The following BPTF variants were observed in gnomAD, a reference collection of about 807,000 sequenced individuals.
BPTF encodes bromodomain PHD finger transcription factor, also known as nucleosome-remodeling factor subunit BPTF.
Under a neutral mutation model 292.5 loss-of-function variants are expected in BPTF, and 18 were observed. The observed-to-expected ratio is 0.06, with a 90% CI of 0.04 to 0.09. The LOEUF (loss-of-function observed/expected upper bound fraction) is 0.09, where lower values mean the gene tolerates loss of function less well. Ranked by LOEUF, BPTF falls within the 10% of genes least tolerant of loss-of-function variation. The pLI is 1.00. For synonymous variants in BPTF, 1,225 were observed against 1,251.9 expected (o/e 0.98, Z 0.45); for missense variants, 2,726 against 3,498.7 (o/e 0.78, Z 5.57).
At chr17:67,932,135 C>T in intron 18 of BPTF, 116 bp downstream of exon 18, 1 of 833,446 alleles carries the variant, frequency 1.2e-6, no homozygotes, top group Non-Finnish European at 1.9e-6. Context: ...TACTTCAAAG[C>T]ATACTAAATT....
At chr17:67,903,612 C>CT (rs1169250961) in intron 7 of BPTF, among the ~76,000 whole-genome samples, 177 bp from the exon 8 acceptor site, 1 of 152,108 alleles carries the variant, frequency 6.6e-6, no homozygotes, top group Non-Finnish European at 1.5e-5. Context: ...TTTTTGTACT[C>CT]TTTATCTTTT....
rs1555674624 is a variant in BPTF, at chr17:67,945,758, A to T, written c.7050A>T (p.Arg2350=). The T allele has an allele frequency of 4.3e-6, 7 of 1,614,170 alleles. No homozygotes were observed. The East Asian group carries it at 1.6e-4, about 36-fold the overall frequency. The part of the protein sequence containing the change: ...PVRVQSPSQT[R]IRPSTPSQLS... ...GTGTCCAAAGTCCATCACAGACTCG[A>T]ATACGTCCATCAACTCCATCCCAAC... is the stretch of plus-strand genomic sequence containing the variant. The change falls in exon 21 of 28, where the codon CGA becomes CGT. Residue 2350 remains arginine (R), a synonymous_variant. Coordinates refer to ENST00000306378, the MANE Select transcript of BPTF (RefSeq NM_182641.4).
At chr17:67,885,694 C>G (rs1013479340) in intron 4 of BPTF, among the ~76,000 whole-genome samples, 1 of 152,200 alleles carries the variant, frequency 6.6e-6, no homozygotes. Flanking sequence ...AATTCTGTTT[C>G]TAATACTATT....
At position 67,874,821 on chromosome 17, in the gene BPTF, A is replaced by G. The variant is rs1243996121; in HGVS notation, c.1665A>G (p.Glu555=). 6.2e-7 allele frequency: 1 copy of G among 1,604,020 alleles called. No homozygotes were observed. Among genetic ancestry groups the G allele is most frequent in the East Asian group, 2.2e-5 (1 of 44,758 alleles). ...NKSFLAAANE[E]ILESIRAKKG... ...TGTTTGTTTTACACATTATAGAAGA[A>G]ATTTTGGAATCCATAAGAGCCAAAA... The change falls in exon 4 of 28, where the codon GAA becomes GAG. Residue 555 remains glutamate, a synonymous_variant. Coordinates refer to ENST00000306378, the MANE Select transcript of BPTF (RefSeq NM_182641.4).
chr17:67,953,318 G>A (rs1374819705), intron 23 of BPTF, among the ~76,000 whole-genome samples: 1 of 146,488 alleles, frequency 6.8e-6, no homozygotes, highest in Admixed American at 6.9e-5. Flanking sequence ...CTGCAATGGC[G>A]CGATCTCGGC....
At position 67,923,009 on chromosome 17, in the gene BPTF, C is replaced by T. The variant is rs1414801034; in HGVS notation, c.5708+19C>T. 1 of 1,596,688 alleles carries T rather than the reference C, an allele frequency of 6.3e-7. No individual in the cohort carries two copies. Among genetic ancestry groups the T allele is most frequent in the African/African-American group, 1.4e-5 (1 of 73,700 alleles). ...CTGAGAGGTAAGGAAATGGTTAATA[C>T]CTGGTCAGCTATTTGAAGATTTTAT... On this transcript the variant is annotated intron_variant, in intron 14 of 27. Transcript: ENST00000306378.
At chr17:67,979,214 T>C (rs1312324209) in intron 27 of BPTF, among the ~76,000 whole-genome samples, 6 of 134,440 alleles carry the variant, frequency 4.5e-5, no homozygotes, top group African/African-American at 1.2e-4. Context: ...AAGGACTAGG[T>C]GCTACAGAGA....
At chr17:67,961,200 A>G (rs1254999917) in intron 24 of BPTF, among the ~76,000 whole-genome samples, 2 of 152,236 alleles carry the variant, frequency 1.3e-5, no homozygotes, top group African/African-American at 4.8e-5. Context: ...CTTCTTTGAA[A>G]TACCTACATT....
In BPTF at chr17:67,982,828, T is replaced by A. The variant is rs1555697467; in HGVS notation, c.*540T>A. On this transcript the variant is annotated 3_prime_UTR_variant, in exon 28 of 28. Transcript: ENST00000306378. Reference sequence around the variant, plus strand: ...GTAAAAGTACAAGACGACCTCTAGATGTCTTTTCTTTCTATGAAAGGAGCT... The same window carrying A: ...GTAAAAGTACAAGACGACCTCTAGAAGTCTTTTCTTTCTATGAAAGGAGCT... 6.5e-6 allele frequency: 1 copy of A among 152,876 alleles called. No individual in the cohort carries two copies. Among genetic ancestry groups the A allele is most frequent in the African/African-American group, 2.4e-5 (1 of 41,454 alleles). The allele number at this position is 152,876 out of a possible 1,614,324, so 9.5% of individuals were successfully genotyped here.
chr17:67,825,926 AG>A lies in BPTF; in HGVS notation c.209del (p.Gly70AlafsTer167). ...VAPKTRLSSP[R>X]GGSSSRRKPP... ...GCCCAAGACGCGGCTGAGCTCGCCC[AG>A]GGGGGGCAGCAGTAGCCGGAGGAAG... On this transcript the variant is annotated frameshift_variant, in exon 1 of 28. Transcript: ENST00000306378. LOFTEE classifies it high-confidence loss of function. 1.2e-5 allele frequency: 12 copies of A among 1,006,776 alleles called. No homozygotes were observed. Among genetic ancestry groups the A allele is most frequent in the East Asian group, 2.0e-4 (2 of 9,862 alleles). 62.4% of individuals were successfully genotyped at this position (1,006,776 alleles called of 1,614,324 possible).
intron 7 of BPTF, among the ~76,000 whole-genome samples, chr17:67,901,769 G>A (rs1203667085): frequency 6.6e-6 from 1 of 152,202 alleles, no homozygotes; most frequent in Non-Finnish European, 1.5e-5. Context: ...GAAGGTGTAG[G>A]AACGCAGGGT....
At chr17:67,886,225 T>C in intron 4 of BPTF, 2 of 1,614,098 alleles carry the variant, frequency 1.2e-6, no homozygotes, top group Non-Finnish European at 8.5e-7. Context: ...GTGAACTAAA[T>C]TCTTCCCAGA....
At chr17:67,843,149 A>C (rs901215766) in intron 1 of BPTF, among the ~76,000 whole-genome samples, 2 of 149,304 alleles carry the variant, frequency 1.3e-5, no homozygotes, top group Non-Finnish European at 3.0e-5. Flanking sequence ...CATACATATA[A>C]ATATATATCT....
At chr17:67,924,636 C>T (rs753150548) in intron 15 of BPTF, 47 bp downstream of exon 15, 9 of 1,589,656 alleles carry the variant, frequency 5.7e-6, no homozygotes, top group Non-Finnish European at 7.7e-6. Context: ...CAAATGGAGG[C>T]TCTTTCAAAA....
At chr17:67,943,676 C>G (rs531258086) in intron 19 of BPTF, among the ~76,000 whole-genome samples, 76 of 152,202 alleles carry the variant, frequency 5.0e-4, no homozygotes, top group Admixed American at 4.5e-3. Context: ...GGTACTTGAC[C>G]TTTCTAACCT....
intron 25 of BPTF, among the ~76,000 whole-genome samples, chr17:67,964,801 C>T (rs1371303050): frequency 4.6e-5 from 7 of 151,594 alleles, no homozygotes; most frequent in Non-Finnish European, 1.0e-4. Flanking sequence ...GAGATCAGAC[C>T]ATCCTGGCTA....
At chr17:67,964,964 A>C (rs1323562177) in intron 25 of BPTF, 1 of 121,960 alleles carries the variant, frequency 8.2e-6, no homozygotes, top group Non-Finnish European at 1.6e-5. Flanking sequence ...GCGCCACTGC[A>C]CTCCAACCTG....
At chr17:67,969,553 A>G (rs2068534015) in intron 26 of BPTF, among the ~76,000 whole-genome samples, 1 of 23,138 alleles carries the variant, frequency 4.3e-5, no homozygotes, top group African/African-American at 4.6e-5. Context: ...ACATTTTCCT[A>G]TGTAAATCTT....
chr17:67,892,041 T>G lies in BPTF; in HGVS notation c.2055+7T>G, dbSNP rs1177899219. On this transcript the variant is annotated splice_region_variant and intron_variant, in intron 5 of 27. Coordinates refer to ENST00000306378, the MANE Select transcript of BPTF (RefSeq NM_182641.4). Reference sequence around the variant, plus strand: ...ATTTAAGGAGGGCAAAGAGGTGTGTTCTTTCTGTTTAAAACAAAAATCTGT... The same window carrying G: ...ATTTAAGGAGGGCAAAGAGGTGTGTGCTTTCTGTTTAAAACAAAAATCTGT... 1 of 1,534,474 alleles carries G rather than the reference T, an allele frequency of 6.5e-7. No individual in the cohort carries two copies. The highest frequency in any genetic ancestry group is 2.4e-5 in the East Asian group (1 of 40,976).
Sources: allele counts gnomAD v4.1 joint callset (sites outside exome capture counted in the v4.1 genomes callset), GRCh38; gene constraint gnomAD v4.1.1; transcripts MANE v1.5; gene names NCBI Gene and HGNC (gene_info 2026-07-23, HGNC 2026-07-21).